PCNX3: variants seen among roughly 807,000 people sequenced by gnomAD.
PCNX3 encodes the protein pecanex-like protein 3.
In PCNX3, 58 loss-of-function variants were observed where a neutral mutation model predicts 207.2. The observed-to-expected ratio is 0.28, with a 90% CI of 0.23 to 0.35. PCNX3 has a LOEUF of 0.35. PCNX3 is among the 10% of genes least tolerant of loss of function. The pLI is 1.00. For synonymous variants in PCNX3, 1,337 were observed against 1,183.5 expected (o/e 1.13, Z -2.66); for missense variants, 2,410 against 2,774.4 (o/e 0.87, Z 2.95).
chr11:65,633,215 T>C (rs1194743057), intron 27 of PCNX3, among the ~76,000 whole-genome samples: 1 of 152,230 alleles, frequency 6.6e-6, no homozygotes, highest in Non-Finnish European at 1.5e-5. Context: ...CTGGCTGCCC[T>C]GCCGGCCTTA....
In PCNX3 at chr11:65,636,374, T is replaced by C. The variant is rs760784819; in HGVS notation, c.5594-17T>C. ...CAGCCCAGCTGAGGCCTCTGCTGTC[T>C]TATCTGTCTCCTACAGGCAATGGTG... On this transcript the variant is annotated splice_polypyrimidine_tract_variant and intron_variant, in intron 33 of 34. Coordinates refer to ENST00000355703, the MANE Select transcript of PCNX3 (RefSeq NM_032223.4). 4.4e-6 allele frequency: 7 copies of C among 1,581,578 alleles called. No homozygotes were observed. In the South Asian group the frequency reaches 6.9e-5, roughly 16 times the overall value.
chr11:65,626,704 A>G, intron 20 of PCNX3, 200 bp from the exon 21 acceptor site: 1 of 666,576 alleles, frequency 1.5e-6, no homozygotes, highest in Non-Finnish European at 2.5e-6. Flanking sequence ...GCCATAAAGC[A>G]AGCCTCGATG....
chr11:65,619,164 T>C (rs1287343225), intron 6 of PCNX3, 97 bp downstream of exon 6: 3 of 1,024,044 alleles, frequency 2.9e-6, no homozygotes, highest in Non-Finnish European at 4.3e-6. Context: ...CAGTGTCAGC[T>C]CAGCCTCGGT....
Position 65,616,850 on chromosome 11 carries a change from C to T in PCNX3, c.180C>T (p.Ala60=), listed in dbSNP as rs770438185. 4 of 1,612,890 alleles carry T rather than the reference C, an allele frequency of 2.5e-6. No individual in the cohort carries two copies. Among genetic ancestry groups the T allele is most frequent in the African/African-American group, 1.3e-5 (1 of 74,902 alleles). The change falls in exon 2 of 35, where the codon GCC becomes GCT. Residue 60 remains alanine (A), a synonymous_variant. Coordinates refer to ENST00000355703, the MANE Select transcript of PCNX3 (RefSeq NM_032223.4). ...YMVLPPSLMV[A]GVYCLVVAVI... is the part of the protein sequence containing the mutation. The stretch of plus-strand genomic sequence containing the variant: ...TCCTGCCTCCCAGCTTGATGGTGGC[C>T]GGCGTGTACTGCCTCGTGGTGGCTG...
At chr11:65,620,673 G>A (rs1031561767) in intron 9 of PCNX3, among the ~76,000 whole-genome samples, 158 bp from the exon 10 acceptor site, 1 of 152,218 alleles carries the variant, frequency 6.6e-6, no homozygotes, top group Non-Finnish European at 1.5e-5. Flanking sequence ...GGGTCTGGGA[G>A]GGAGGCACTT....
chr11:65,622,489 C>G (rs749442008), intron 11 of PCNX3, 123 bp downstream of exon 11: 3 of 1,256,162 alleles, frequency 2.4e-6, no homozygotes, highest in Non-Finnish European at 3.2e-6. Context: ...AGCTGAGGGC[C>G]TGTCGTTGGC....
intron 10 of PCNX3, among the ~76,000 whole-genome samples, chr11:65,621,270 C>T (rs1045637986): frequency 2.6e-5 from 4 of 152,168 alleles, no homozygotes; most frequent in African/African-American, 4.8e-5. Flanking sequence ...GCGGAAGTGG[C>T]AGTGTTCTGT....
Position 65,628,666 on chromosome 11 carries a change from G to A in PCNX3, c.3774G>A (p.Ser1258=), listed in dbSNP as rs774281374. The change falls in exon 23 of 35, where the codon TCG becomes TCA. Residue 1258 remains serine, a synonymous_variant. Transcript: ENST00000355703. ...YIAPWQITWG[S]AFHAFAQPFA... ...CGCCCTGGCAGATCACCTGGGGCTCGGCTTTCCACGCTTTTGCCCAGCCGT... is the reference window on the plus strand; with the variant it reads ...CGCCCTGGCAGATCACCTGGGGCTCAGCTTTCCACGCTTTTGCCCAGCCGT... 14 of 1,613,218 alleles carry A rather than the reference G, an allele frequency of 8.7e-6. No individual in the cohort carries two copies. Among genetic ancestry groups the A allele is most frequent in the South Asian group, 5.5e-5 (5 of 91,072 alleles).
chr11:65,635,327 G>A lies in PCNX3; in HGVS notation c.5063G>A (p.Arg1688His), dbSNP rs371861379. 1.2e-4 allele frequency: 196 copies of A among 1,603,706 alleles called. No homozygotes were observed. Among genetic ancestry groups the A allele is most frequent in the Non-Finnish European group, 1.5e-4 (177 of 1,176,146 alleles). The change falls in exon 31 of 35, where the codon CGC becomes CAC. Residue 1688 changes from arginine to histidine, a missense_variant. Transcript: ENST00000355703. The surrounding 1 kb of genome is among the most constrained non-coding windows in gnomAD (Gnocchi z 9.9). ...VISHEGDPAWRSAILSNTPSL... is the reference protein window; with the variant it reads ...VISHEGDPAWHSAILSNTPSL... ...TCACATGAGGGTGACCCAGCATGGC[G>A]CAGCGCCATCCTCAGCAACACGCCC...
In PCNX3 at chr11:65,625,621, G is replaced by T. The variant is rs762273516; in HGVS notation, c.3136-31G>T. On this transcript the variant is annotated intron_variant, in intron 18 of 34. Transcript: ENST00000355703. This position sits in a 1 kb window ranked among gnomAD's most constrained non-coding sequence, Gnocchi z 5.6. ...GGGCAGCTGAGTGTCTCTCCTGGCC[G>T]GGCAGCTGAATGTCTCTCCTGGCCC... 2 of 1,601,424 alleles carry T rather than the reference G, an allele frequency of 1.2e-6. No homozygotes were observed.
intron 6 of PCNX3, 95 bp downstream of exon 6, chr11:65,619,162 G>A: frequency 9.6e-7 from 1 of 1,039,380 alleles, no homozygotes; most frequent in Non-Finnish European, 1.4e-6. Context: ...GTCAGTGTCA[G>A]CTCAGCCTCG....
chr11:65,631,679 G>A (rs1256432060), intron 27 of PCNX3, among the ~76,000 whole-genome samples: 2 of 152,018 alleles, frequency 1.3e-5, no homozygotes, highest in East Asian at 3.9e-4. Context: ...GGAATTTTGA[G>A]GCTTGTGGTG....
chr11:65,627,663 C>T, intron 22 of PCNX3, 81 bp downstream of exon 22: 1 of 1,513,820 alleles, frequency 6.6e-7, no homozygotes, highest in Non-Finnish European at 9.1e-7. Context: ...AAGAGAATTT[C>T]CTGAGGGCCT....
In PCNX3 at chr11:65,625,307, G is replaced by A. The variant is rs769834235; in HGVS notation, c.3029+27G>A. The A allele has an allele frequency of 5.0e-6, 8 of 1,597,164 alleles. No individual in the cohort carries two copies. In the South Asian group the frequency reaches 7.7e-5, roughly 15 times the overall value. On this transcript the variant is annotated intron_variant, in intron 17 of 34. Coordinates refer to ENST00000355703, the MANE Select transcript of PCNX3 (RefSeq NM_032223.4). This position sits in a 1 kb window ranked among gnomAD's most constrained non-coding sequence, Gnocchi z 5.6. ...TGGGTGTGCTCCGGGTCGTGTGTTT[G>A]TGTCTGCCCAGTAGGGGTTTGTGGT...
intron 6 of PCNX3, 95 bp from the exon 7 acceptor site, chr11:65,619,442 C>T (rs1854951581): frequency 5.2e-6 from 8 of 1,524,834 alleles, no homozygotes; most frequent in Non-Finnish European, 7.0e-6. Context: ...TTGTACTAGG[C>T]CTTTAGCTCC....
Position 65,623,524 on chromosome 11 carries a change from G to C in PCNX3, c.2391G>C (p.Val797=). The C allele has an allele frequency of 6.2e-7, 1 of 1,613,296 alleles. No individual in the cohort carries two copies. Among genetic ancestry groups the C allele is most frequent in the Non-Finnish European group, 8.5e-7 (1 of 1,179,492 alleles). The part of the protein sequence containing the change: ...TRGVLENIFG[V]GLSSLVAFLG... ...GAGTGCTGGAGAACATCTTCGGCGTGGGCCTGAGCAGCCTTGTGGCCTTCC... is the reference window on the plus strand; with the variant it reads ...GAGTGCTGGAGAACATCTTCGGCGTCGGCCTGAGCAGCCTTGTGGCCTTCC... Residue 797 remains valine (V), a synonymous_variant, in exon 12 of 35, where the codon GTG becomes GTC. Coordinates refer to ENST00000355703, the MANE Select transcript of PCNX3 (RefSeq NM_032223.4).
At position 65,620,379 on chromosome 11, in the gene PCNX3, C is replaced by G. The variant is rs1222309782; in HGVS notation, c.2049C>G (p.Gly683=). ...RSYTFGLAGG[G]YENPVGQQGE... ...ACACCTTTGGCCTGGCTGGAGGCGG[C>G]TACGAGAACCCTGTAGGGCAGCAAG... Residue 683 remains glycine (G), a synonymous_variant, in exon 9 of 35, where the codon GGC becomes GGG. Transcript: ENST00000355703. The G allele has an allele frequency of 6.2e-7, 1 of 1,613,402 alleles. No homozygotes were observed. The highest frequency in any genetic ancestry group is 8.5e-7 in the Non-Finnish European group (1 of 1,179,824).
chr11:65,637,078 G>C lies in PCNX3; in HGVS notation c.*100G>C. On this transcript the variant is annotated 3_prime_UTR_variant, in exon 35 of 35. Transcript: ENST00000355703. ...AGAACTGAGTGGCTTTGGCCTACATGTCTGAACCCTGACCTTTGGCTGCCT... is the reference window on the plus strand; with the variant it reads ...AGAACTGAGTGGCTTTGGCCTACATCTCTGAACCCTGACCTTTGGCTGCCT... The C allele has an allele frequency of 3.0e-6, 4 of 1,332,918 alleles. No homozygotes were observed. In the South Asian group the frequency reaches 5.4e-5, roughly 18 times the overall value. The allele number at this position is 1,332,918 out of a possible 1,614,324, so 82.6% of individuals were successfully genotyped here.
rs1247939467 is a variant in PCNX3, at chr11:65,618,153, T to C, written c.791T>C (p.Val264Ala). The part of the protein sequence containing the change: ...LTLTQPDRAL[V>A]RTSSRREQRR... The stretch of plus-strand genomic sequence containing the variant: ...CTGACCCAGCCTGACCGGGCCCTGG[T>C]GAGGACCAGCAGTCGACGGGAACAA... Residue 264 changes from valine (V) to alanine (A), a missense_variant, in exon 6 of 35, where the codon GTG becomes GCG. Transcript: ENST00000355703. The C allele has an allele frequency of 6.2e-7, 1 of 1,608,952 alleles. No homozygotes were observed. The highest frequency in any genetic ancestry group is 1.7e-5 in the Admixed American group (1 of 59,770).
Sources: gnomAD v4.1 joint callset for allele counts (sites outside exome capture counted in the v4.1 genomes callset) on GRCh38, gnomAD v4.1.1 for gene constraint, Gnocchi (gnomAD v3.1) non-coding constraint, MANE v1.5 for transcripts, NCBI Gene and HGNC (gene_info 2026-07-23, HGNC 2026-07-21) for gene names.